Variants in AKAP7 observed in about 807,000 individuals in gnomAD.
AKAP7 encodes A-kinase anchoring protein 7.
A neutral mutation model predicts 39.5 loss-of-function variants in AKAP7; 39 were observed. The observed-to-expected ratio is 0.99, with a 90% CI of 0.76 to 1.29. AKAP7 has a LOEUF of 1.29. Among genes scored for constraint, AKAP7 ranks in the 50% most tolerant of loss-of-function variants. The probability of loss-of-function intolerance (pLI) is 0.00; values close to 1 mark genes in which losing one functional copy is unlikely to be tolerated. For synonymous variants in AKAP7, 140 were observed against 139.1 expected (o/e 1.01, Z -0.05); for missense variants, 414 against 407.7 (o/e 1.02, Z -0.13).
intron 7 of AKAP7, among the ~76,000 whole-genome samples, chr6:131,271,779 C>T (rs1814305104): frequency 6.6e-6 from 1 of 152,068 alleles, no homozygotes; most frequent in African/African-American, 2.4e-5. Flanking sequence ...CGTAGGGAGT[C>T]TGTTTAGAAT....
chr6:131,279,304 C>G lies in AKAP7; in HGVS notation c.851-2226C>G, dbSNP rs149454616. Among the ~76,000 whole-genome samples the G allele has an allele frequency of 5.2e-3, 787 of 152,248 alleles. 7 individuals are homozygous for G. Among genetic ancestry groups the G allele is most frequent in the African/African-American group, 0.018 (740 of 41,542 alleles). ...TCTTCTTTTTTGAGACAGTCTCACT[C>G]TGTCACCAGGCCGGAGTGCAGTTGC... On this transcript the variant is annotated intron_variant, in intron 7 of 7. Coordinates refer to ENST00000431975, the MANE Select transcript of AKAP7 (RefSeq NM_016377.4).
chr6:131,177,720 T>C lies in AKAP7; in HGVS notation c.589+8447T>C, dbSNP rs535960864. Reference sequence around the variant, plus strand: ...ACTGAGGCACAAAGAAGTTAAGTAATTTGTTAGTGAGTAGTGGAACCAGGA... The same window carrying C: ...ACTGAGGCACAAAGAAGTTAAGTAACTTGTTAGTGAGTAGTGGAACCAGGA... On this transcript the variant is annotated intron_variant, in intron 5 of 7. Coordinates refer to ENST00000431975, the MANE Select transcript of AKAP7 (RefSeq NM_016377.4). Among the ~76,000 whole-genome samples, 45 of 152,354 alleles carry C rather than the reference T, an allele frequency of 3.0e-4. 1 individual carries two copies. In the South Asian group the frequency reaches 9.3e-3, roughly 32 times the overall value.
At chr6:131,242,346 T>C (rs1199098165) in intron 7 of AKAP7, among the ~76,000 whole-genome samples, 3 of 152,166 alleles carry the variant, frequency 2.0e-5, no homozygotes, top group Non-Finnish European at 4.4e-5. Context: ...TCAGTCTTAG[T>C]ATAATAAGGT....
At chr6:131,164,278 C>T in intron 3 of AKAP7, 6 of 419,968 alleles carry the variant, frequency 1.4e-5, no homozygotes, top group South Asian at 3.4e-5. Flanking sequence ...TGTTTTTTTT[C>T]TGGGTTTGCT....
intron 6 of AKAP7, among the ~76,000 whole-genome samples, chr6:131,213,885 T>C (rs1212793016): frequency 3.3e-5 from 5 of 152,102 alleles, no homozygotes; most frequent in Non-Finnish European, 7.4e-5. Context: ...CTGTGCTTGT[T>C]GTATTGAGCC....
intron 7 of AKAP7, among the ~76,000 whole-genome samples, chr6:131,243,381 T>C (rs886094650): frequency 4.6e-5 from 7 of 152,178 alleles, no homozygotes; most frequent in Non-Finnish European, 7.3e-5. Context: ...GAAGCATCCA[T>C]AAACAGACTA....
At chr6:131,227,559 A>G (rs1810282396) in intron 7 of AKAP7, among the ~76,000 whole-genome samples, 1 of 152,210 alleles carries the variant, frequency 6.6e-6, no homozygotes, top group South Asian at 2.1e-4. Context: ...CCTAAAGATA[A>G]GACCGTTAAT....
chr6:131,149,600 A>C (rs368243895), intron 2 of AKAP7, among the ~76,000 whole-genome samples: 1 of 152,206 alleles, frequency 6.6e-6, no homozygotes, highest in East Asian at 1.9e-4. Flanking sequence ...GCGCCACTGC[A>C]CTCCAGCCTG....
chr6:131,217,124 C>T (rs1487815770), intron 6 of AKAP7, among the ~76,000 whole-genome samples: 1 of 152,086 alleles, frequency 6.6e-6, no homozygotes, highest in African/African-American at 2.4e-5. Flanking sequence ...TTTGGGGGTC[C>T]ACAACCTGAA....
At chr6:131,272,042 CT>C (rs988831484) in intron 7 of AKAP7, among the ~76,000 whole-genome samples, 8 of 152,140 alleles carry the variant, frequency 5.3e-5, no homozygotes, top group Non-Finnish European at 1.2e-4. Context: ...ACTTCCCTGC[CT>C]TCCATAAGGC....
chr6:131,194,789 A>T (rs1377914678), intron 5 of AKAP7, among the ~76,000 whole-genome samples: 1 of 152,106 alleles, frequency 6.6e-6, no homozygotes, highest in African/African-American at 2.4e-5. Context: ...TTATACAATG[A>T]CCTTCTTTGC....
At chr6:131,258,520 G>A (rs1813048063) in intron 7 of AKAP7, among the ~76,000 whole-genome samples, 1 of 152,170 alleles carries the variant, frequency 6.6e-6, no homozygotes, top group Non-Finnish European at 1.5e-5. Context: ...TGAACAAACA[G>A]TTCCTACAGC....
At chr6:131,259,310 T>C (rs1813117296) in intron 7 of AKAP7, among the ~76,000 whole-genome samples, 1 of 152,134 alleles carries the variant, frequency 6.6e-6, no homozygotes, top group African/African-American at 2.4e-5. Context: ...GTAGTCAGAC[T>C]TTGTTTAGAG....
the AKAP7 span, among the ~76,000 whole-genome samples, chr6:131,127,455 G>A: frequency 1.3e-5 from 2 of 152,092 alleles, no homozygotes; most frequent in Non-Finnish European, 2.9e-5. Flanking sequence ...AAGTAAAGAA[G>A]TAGAAGCCAC....
intron 5 of AKAP7, 135 bp from the exon 6 acceptor site, chr6:131,199,326 T>TA: frequency 1.6e-6 from 1 of 613,180 alleles, no homozygotes. Context: ...TTAAAGAAAA[T>TA]ATCTGAAGCA....
chr6:131,238,968 T>G (rs1398561769), intron 7 of AKAP7, among the ~76,000 whole-genome samples: 1 of 152,226 alleles, frequency 6.6e-6, no homozygotes. Flanking sequence ...AGCTGGTTAT[T>G]TTGCTCATTA....
intron 3 of AKAP7, 22 bp from the exon 4 acceptor site, chr6:131,165,059 A>G (rs897516314): frequency 1.2e-5 from 18 of 1,515,606 alleles, no homozygotes; most frequent in South Asian, 1.3e-5. Flanking sequence ...AATTTTTTTT[A>G]TATGTGTGTA....
At chr6:131,217,957 C>A (rs1809337130) in intron 6 of AKAP7, among the ~76,000 whole-genome samples, 1 of 152,060 alleles carries the variant, frequency 6.6e-6, no homozygotes, top group Non-Finnish European at 1.5e-5. Context: ...TGCTCATTTT[C>A]CATTTACTTT....
chr6:131,167,012 T>C (rs1161144326), intron 4 of AKAP7, among the ~76,000 whole-genome samples: 1 of 152,170 alleles, frequency 6.6e-6, no homozygotes, highest in Non-Finnish European at 1.5e-5. Flanking sequence ...ATCCTTACAG[T>C]GTAGAAGAAA....
Sources: gnomAD v4.1 joint callset for allele counts (sites outside exome capture counted in the v4.1 genomes callset) on GRCh38, gnomAD v4.1.1 for gene constraint, MANE v1.5 for transcripts, NCBI Gene and HGNC (gene_info 2026-07-23, HGNC 2026-07-21) for gene names.